Variants in PPP5C observed in about 807,000 individuals in gnomAD.
PPP5C encodes the protein protein phosphatase 5 catalytic subunit.
Under a neutral mutation model 66.7 loss-of-function variants are expected in PPP5C, and 21 were observed. The ratio of observed to expected loss-of-function variants is 0.31; its 90% CI spans 0.22 to 0.45. The LOEUF is 0.45. PPP5C is among the 20% of genes least tolerant of loss of function. The probability of loss-of-function intolerance (pLI) is 1.00; values close to 1 mark genes in which losing one functional copy is unlikely to be tolerated. For missense variants in PPP5C, 464 were observed against 675.9 expected, an observed-to-expected ratio of 0.69 and a Z score of 3.48; for synonymous variants, 246 against 257.4, an observed-to-expected ratio of 0.96 and a Z score of 0.43.
intron 2 of PPP5C, among the ~76,000 whole-genome samples, chr19:46,365,568 T>C (rs1028050077): frequency 2.0e-5 from 3 of 152,202 alleles, no homozygotes; most frequent in African/African-American, 4.8e-5. Flanking sequence ...CTTATCACCT[T>C]GTGGCAGCAG....
intron 2 of PPP5C, among the ~76,000 whole-genome samples, chr19:46,373,810 G>A (rs1422368808): frequency 6.6e-6 from 1 of 152,196 alleles, no homozygotes; most frequent in Non-Finnish European, 1.5e-5. Flanking sequence ...GAGCCCAGAG[G>A]GGGTGCCTGA....
rs1163798018 is a variant in PPP5C, at chr19:46,376,473, G to A, written c.532G>A (p.Gly178Arg). Residue 178 changes from glycine (G) to arginine (R), a missense_variant, in exon 4 of 13, where the codon GGA (glycine) becomes AGA (arginine). Gly to Arg is a moderately radical substitution (Grantham distance 125). This residue lies in a region of PPP5C where 387 missense variants were observed against 626.0 expected (regional missense o/e 0.62). Transcript: ENST00000012443. The surrounding 1 kb of genome is among the most constrained non-coding windows in gnomAD (Gnocchi z 5.1). ...CCTAGCCATTGAGGATGAGTACAGC[G>A]GACCCAAGCTTGAAGACGGCAAAGT... ...ESMTIEDEYS[G>R]PKLEDGKVTI... The A allele has an allele frequency of 3.1e-6, 5 of 1,613,706 alleles. No homozygotes were observed. The highest frequency in any genetic ancestry group is 4.2e-6 in the Non-Finnish European group (5 of 1,179,808).
intron 4 of PPP5C, among the ~76,000 whole-genome samples, chr19:46,378,177 G>A (rs1207483174): frequency 2.0e-5 from 3 of 152,158 alleles, no homozygotes; most frequent in African/African-American, 7.2e-5. Flanking sequence ...GCTGCGTCCC[G>A]TGAATTTTAA....
At chr19:46,382,202 C>T (rs1659142064) in intron 4 of PPP5C, 1 of 152,226 alleles carries the variant, frequency 6.6e-6, no homozygotes, top group Non-Finnish European at 1.5e-5. Context: ...TCACGCCAGT[C>T]CCCACACGGT....
At chr19:46,385,011 G>A (rs959502607) in intron 7 of PPP5C, 102 bp downstream of exon 7, 14 of 952,908 alleles carry the variant, frequency 1.5e-5, no homozygotes, top group Admixed American at 1.3e-4. Flanking sequence ...TTGTGGACTC[G>A]GAGATCATGC....
In PPP5C at chr19:46,390,406, T is replaced by G. The variant is rs1329219979; in HGVS notation, c.*60T>G. The G allele has an allele frequency of 3.9e-6, 6 of 1,549,858 alleles. No homozygotes were observed. The highest frequency in any genetic ancestry group is 5.2e-6 in the Non-Finnish European group (6 of 1,146,780). ...CTCCAATCCCACCGGACCCAGGCCC[T>G]GGGCTAGGGGCAGAGCAGGCCCCGC... On this transcript the variant is annotated 3_prime_UTR_variant, in exon 13 of 13. Transcript: ENST00000012443.
At chr19:46,370,378 G>T (rs560821694) in intron 2 of PPP5C, among the ~76,000 whole-genome samples, 86 of 152,198 alleles carry the variant, frequency 5.7e-4, no homozygotes, top group African/African-American at 2.1e-3. Context: ...GCCTACGCAG[G>T]GTCAGGAGAT....
chr19:46,389,232 G>C (rs1038505125), intron 11 of PPP5C, among the ~76,000 whole-genome samples: 26 of 151,664 alleles, frequency 1.7e-4, no homozygotes, highest in African/African-American at 6.1e-4. Flanking sequence ...GCTGAGTCAG[G>C]AGAATTGTTC....
chr19:46,368,247 A>G (rs1442007409), intron 2 of PPP5C, among the ~76,000 whole-genome samples: 1 of 152,210 alleles, frequency 6.6e-6, no homozygotes, highest in Non-Finnish European at 1.5e-5. Context: ...GGAGAATGGC[A>G]GGGGATTATC....
At chr19:46,353,301 A>G (rs887616339) in intron 1 of PPP5C, among the ~76,000 whole-genome samples, 3 of 152,096 alleles carry the variant, frequency 2.0e-5, no homozygotes, top group Non-Finnish European at 2.9e-5. Flanking sequence ...CACTTAGAAC[A>G]TCAGTGTCCA....
At chr19:46,379,221 C>A (rs987523021) in intron 4 of PPP5C, among the ~76,000 whole-genome samples, 1 of 151,940 alleles carries the variant, frequency 6.6e-6, no homozygotes, top group Admixed American at 6.6e-5. Flanking sequence ...GCCCAGCTAA[C>A]TTCTGTATTT....
At position 46,383,572 on chromosome 19, in the gene PPP5C, C is replaced by T. The variant is rs1312277714; in HGVS notation, c.699+96C>T. On this transcript the variant is annotated intron_variant, in intron 5 of 12. Coordinates refer to ENST00000012443, the MANE Select transcript of PPP5C (RefSeq NM_006247.4). The surrounding 1 kb of genome is among the most constrained non-coding windows in gnomAD (Gnocchi z 5.0). Reference sequence around the variant, plus strand: ...CTCAGGAACTCACGGATCCACCTCCCTCTCTCCCTCACACCCCACCCCTGT... The same window carrying T: ...CTCAGGAACTCACGGATCCACCTCCTTCTCTCCCTCACACCCCACCCCTGT... 2 of 1,288,792 alleles carry T rather than the reference C, an allele frequency of 1.6e-6. No homozygotes were observed. The highest frequency in any genetic ancestry group is 2.2e-6 in the Non-Finnish European group (2 of 928,716). 79.8% of individuals were successfully genotyped at this position (1,288,792 alleles called of 1,614,324 possible). A position where few individuals can be genotyped will look rare whatever the true frequency, so the allele number is the denominator to read the frequency against.
chr19:46,385,948 A>G (rs1248272739), intron 7 of PPP5C, among the ~76,000 whole-genome samples: 2 of 54,316 alleles, frequency 3.7e-5, no homozygotes, highest in Admixed American at 1.7e-4. Context: ...TGTCTCTTTG[A>G]AAAAAAAAAA....
intron 7 of PPP5C, chr19:46,386,779 A>C: frequency 2.6e-6 from 1 of 384,744 alleles, no homozygotes; most frequent in Non-Finnish European, 4.9e-6. Flanking sequence ...TGCCCAGCTA[A>C]TTTTTAAAAT....
At chr19:46,361,821 C>T (rs1472129297) in intron 2 of PPP5C, among the ~76,000 whole-genome samples, 5 of 151,698 alleles carry the variant, frequency 3.3e-5, no homozygotes, top group Non-Finnish European at 5.9e-5. Flanking sequence ...ACAAATTCTT[C>T]CTTTGCATCA....
chr19:46,359,968 G>C (rs577544187), intron 2 of PPP5C, among the ~76,000 whole-genome samples: 1 of 151,890 alleles, frequency 6.6e-6, no homozygotes, highest in Non-Finnish European at 1.5e-5. Context: ...TACTAGAGAC[G>C]GGGTTTCACC....
chr19:46,371,068 T>C (rs1315009323), intron 2 of PPP5C, among the ~76,000 whole-genome samples: 3 of 149,364 alleles, frequency 2.0e-5, no homozygotes, highest in Non-Finnish European at 4.4e-5. Flanking sequence ...TCATTAGTTC[T>C]GTCTCTCTGG....
chr19:46,369,973 C>CT (rs1352395784), intron 2 of PPP5C, among the ~76,000 whole-genome samples: 1 of 150,000 alleles, frequency 6.7e-6, no homozygotes, highest in East Asian at 2.0e-4. Context: ...GTTTAGGGCA[C>CT]TTACCATGAA....
chr19:46,386,963 C>A (rs1375924476), intron 7 of PPP5C, 130 bp from the exon 8 acceptor site: 2 of 1,317,478 alleles, frequency 1.5e-6, no homozygotes, highest in Non-Finnish European at 1.1e-6. Flanking sequence ...CTGGAAGGCA[C>A]CGCAGTGGCA....
Sources: gnomAD v4.1 joint callset for allele counts (sites outside exome capture counted in the v4.1 genomes callset) on GRCh38, gnomAD v4.1.1 for gene constraint, gnomAD v4.1.1 regional missense constraint, Gnocchi (gnomAD v3.1) non-coding constraint, MANE v1.5 for transcripts, NCBI Gene and HGNC (gene_info 2026-07-23, HGNC 2026-07-21) for gene names.